The following MRC2 variants were observed in gnomAD, a reference collection of about 807,000 sequenced individuals.
MRC2 encodes C-type mannose receptor 2.
MRC2 carries 84 observed loss-of-function variants against 206.2 expected under a neutral mutation model. The ratio of observed to expected loss-of-function variants is 0.41; its 90% confidence interval spans 0.34 to 0.49. MRC2 has a LOEUF of 0.49. Ranked by LOEUF, MRC2 falls within the 20% of genes least tolerant of loss-of-function variation. The pLI is 0.31. For missense variants in MRC2, 1,676 were observed against 2,001.5 expected (o/e 0.84, Z 3.10); for synonymous variants, 798 against 800.0 (o/e 1.00, Z 0.04).
At chr17:62,650,876 T>C (rs1211553386) in intron 1 of MRC2, among the ~76,000 whole-genome samples, 1 of 152,156 alleles carries the variant, frequency 6.6e-6, no homozygotes. Flanking sequence ...ACGTAAATGA[T>C]ATGATTTGCC....
At chr17:62,677,231 C>T in intron 11 of MRC2, 38 bp from the exon 12 acceptor site, 1 of 1,499,958 alleles carries the variant, frequency 6.7e-7, no homozygotes, top group Non-Finnish European at 9.0e-7. Context: ...GACTATGAAT[C>T]CTTCTCAGAG....
intron 20 of MRC2, chr17:62,683,865 C>CAAAA (rs59563742): frequency 7.4e-6 from 1 of 134,652 alleles, no homozygotes; most frequent in Non-Finnish European, 1.6e-5. Context: ...ACCCTTTCTC[C>CAAAA]AAAAAAAAAA....
rs1431926072 is a variant in MRC2 at position 62,667,069 on chromosome 17, T to G, written c.973+199T>G. 2.6e-5 allele frequency among the ~76,000 whole-genome samples: 4 copies of G among 151,920 alleles called. No individual in the cohort carries two copies. The highest frequency in any genetic ancestry group is 2.6e-4 in the Admixed American group (4 of 15,262). On this transcript the variant is annotated intron_variant, in intron 5 of 29. Transcript: ENST00000303375. The surrounding 1 kb of genome is among the most constrained non-coding windows in gnomAD (Gnocchi z 4.1). ...CCCAGGCCGAAGGTCTTGGTGCATATGGACTGGGTGCCAGCCTCCACTCAC... is the reference window on the plus strand; with the variant it reads ...CCCAGGCCGAAGGTCTTGGTGCATAGGGACTGGGTGCCAGCCTCCACTCAC...
rs1248630980 is a variant in MRC2 at position 62,677,411 on chromosome 17, A to C, written c.1977A>C (p.Pro659=). The change falls in exon 12 of 30, where the codon CCA becomes CCC. Residue 659 remains proline, a synonymous_variant. Coordinates refer to ENST00000303375, the MANE Select transcript of MRC2 (RefSeq NM_006039.5). ...GTPVTPELPG[P]DPTPSLTGSC... Reference sequence around the variant, plus strand: ...CAGTGACGCCGGAGCTGCCGGGGCCAGATCCCACGCCCAGCCTCACTGGCT... The same window carrying C: ...CAGTGACGCCGGAGCTGCCGGGGCCCGATCCCACGCCCAGCCTCACTGGCT... 6.2e-7 allele frequency: 1 copy of C among 1,611,946 alleles called. No homozygotes were observed. The highest frequency in any genetic ancestry group is 1.7e-5 in the Admixed American group (1 of 59,930).
At chr17:62,682,731 T>C (rs1338821132) in intron 20 of MRC2, among the ~76,000 whole-genome samples, 4 of 151,932 alleles carry the variant, frequency 2.6e-5, no homozygotes, top group Non-Finnish European at 4.4e-5. Context: ...AACCTCTGCT[T>C]CCTGGGTTCA....
intron 19 of MRC2, 116 bp downstream of exon 19, chr17:62,682,053 A>C: frequency 8.8e-7 from 1 of 1,131,072 alleles, no homozygotes; most frequent in Non-Finnish European, 1.3e-6. Flanking sequence ...CAACCCAATA[A>C]AGGCTAGACT....
Position 62,689,240 on chromosome 17 carries a change from G to A in MRC2, c.3334+280G>A, listed in dbSNP as rs917238774. On this transcript the variant is annotated intron_variant, in intron 23 of 29. Coordinates refer to ENST00000303375, the MANE Select transcript of MRC2 (RefSeq NM_006039.5). Reference sequence around the variant, plus strand: ...GCACGTGTGGCGTCAAGGACCCTGAGGTTCCAGGTCCAAGACACCTCCAGC... The same window carrying A: ...GCACGTGTGGCGTCAAGGACCCTGAAGTTCCAGGTCCAAGACACCTCCAGC... 40 of 586,214 alleles carry A rather than the reference G, an allele frequency of 6.8e-5. No homozygotes were observed. In the Admixed American group the frequency reaches 8.4e-4, roughly 12 times the overall value. 36.3% of individuals were successfully genotyped at this position (586,214 alleles called of 1,614,324 possible).
At chr17:62,681,579 G>A in intron 18 of MRC2, 1 of 493,034 alleles carries the variant, frequency 2.0e-6, no homozygotes, top group Admixed American at 4.0e-5. Flanking sequence ...TTGCCCTTGG[G>A]CTTCCTGCCC....
chr17:62,629,404 A>T (rs1032541974), intron 1 of MRC2, among the ~76,000 whole-genome samples: 1 of 152,144 alleles, frequency 6.6e-6, no homozygotes, highest in South Asian at 2.1e-4. Flanking sequence ...GTCAGGGAGG[A>T]CAAGGACGCC....
chr17:62,669,921 A>G (rs1159851620), intron 6 of MRC2, among the ~76,000 whole-genome samples: 1 of 152,164 alleles, frequency 6.6e-6, no homozygotes, highest in Non-Finnish European at 1.5e-5. Flanking sequence ...GAAGCTTGAA[A>G]CGTCAGCAAC....
chr17:62,651,346 T>G (rs1461475395), intron 1 of MRC2, among the ~76,000 whole-genome samples: 1 of 151,946 alleles, frequency 6.6e-6, no homozygotes, highest in Non-Finnish European at 1.5e-5. Context: ...CCTCCCAGAG[T>G]GCTGGGATTA....
chr17:62,685,056 C>T (rs1287165822), intron 20 of MRC2, among the ~76,000 whole-genome samples: 5 of 151,978 alleles, frequency 3.3e-5, no homozygotes, highest in Admixed American at 6.6e-5. Context: ...GCAGCAGAAT[C>T]GCTTGAACCT....
At position 62,682,376 on chromosome 17, in the gene MRC2, A is replaced by C; in HGVS notation, c.2945A>C (p.Lys982Thr). ...TCTGACTGGATCCAGTTCCTCAACAAGGTAGGAGGTGGCAATGGGGCACCC... is the reference window on the plus strand; with the variant it reads ...TCTGACTGGATCCAGTTCCTCAACACGGTAGGAGGTGGCAATGGGGCACCC... ...CPSDWIQFLNKCFQVQGQEPQ... is the reference protein window; with the variant it reads ...CPSDWIQFLNTCFQVQGQEPQ... Residue 982 changes from lysine to threonine, a missense_variant and splice_region_variant, in exon 20 of 30, where the codon AAG becomes ACG. Physicochemically the swap from Lys to Thr is moderately conservative, Grantham distance 78. This residue lies in a region of MRC2 where 1,354 missense variants were observed against 1,636.6 expected (regional missense o/e 0.83). Coordinates refer to ENST00000303375, the MANE Select transcript of MRC2 (RefSeq NM_006039.5). 6.2e-7 allele frequency: 1 copy of C among 1,603,962 alleles called. No homozygotes were observed. Among genetic ancestry groups the C allele is most frequent in the Admixed American group, 1.7e-5 (1 of 57,518 alleles).
At position 62,664,023 on chromosome 17, in the gene MRC2, G is replaced by T. The variant is rs1414392347; in HGVS notation, c.119-525G>T. On this transcript the variant is annotated intron_variant, in intron 1 of 29. Coordinates refer to ENST00000303375, the MANE Select transcript of MRC2 (RefSeq NM_006039.5). This position sits in a 1 kb window ranked among gnomAD's most constrained non-coding sequence, Gnocchi z 4.7. ...CGCCCAGGCTGGAGTGCAGTGGCGG[G>T]ATCTCGGCTCACTGCAAGCTCCGCC... 6.7e-6 allele frequency among the ~76,000 whole-genome samples: 1 copy of T among 148,984 alleles called. No individual in the cohort carries two copies. The highest frequency in any genetic ancestry group is 1.5e-5 in the Non-Finnish European group (1 of 67,242).
At chr17:62,668,922 C>T (rs2088791219) in intron 6 of MRC2, among the ~76,000 whole-genome samples, 1 of 152,044 alleles carries the variant, frequency 6.6e-6, no homozygotes, top group East Asian at 1.9e-4. Flanking sequence ...TGAAGCCACC[C>T]CCCTTGCAAG....
intron 1 of MRC2, among the ~76,000 whole-genome samples, chr17:62,657,249 A>G (rs570893208): frequency 1.3e-5 from 2 of 152,336 alleles, no homozygotes; most frequent in East Asian, 3.9e-4. Flanking sequence ...GCCAGACCAT[A>G]TGGTGATAAG....
chr17:62,636,278 C>T lies in MRC2; in HGVS notation c.118+8358C>T, dbSNP rs374650231. ...AAAAAAAAAAAAGTAAAAATGCATG[C>T]TCAGTGGAAAACATTCAAACCATAC... On this transcript the variant is annotated intron_variant, in intron 1 of 29. Transcript: ENST00000303375. Among the ~76,000 whole-genome samples, 8 of 151,128 alleles carry T rather than the reference C, an allele frequency of 5.3e-5. No homozygotes were observed. The East Asian group carries it at 1.6e-3, about 29-fold the overall frequency.
intron 23 of MRC2, among the ~76,000 whole-genome samples, chr17:62,689,177 CG>C: frequency 1.3e-5 from 2 of 152,042 alleles, no homozygotes; most frequent in Admixed American, 1.3e-4. Context: ...CTCGTTGGGT[CG>C]GGGGGAGAGC....
chr17:62,663,441 G>A (rs368564604), intron 1 of MRC2, among the ~76,000 whole-genome samples: 8 of 151,882 alleles, frequency 5.3e-5, no homozygotes, highest in African/African-American at 9.7e-5. Context: ...GAACATTTTC[G>A]TCATATCCCC....
Sources: allele counts gnomAD v4.1 joint callset (sites outside exome capture counted in the v4.1 genomes callset), GRCh38; gene constraint gnomAD v4.1.1; regional missense constraint gnomAD v4.1.1; non-coding constraint Gnocchi (gnomAD v3.1); transcripts MANE v1.5; gene names NCBI Gene and HGNC (gene_info 2026-07-23, HGNC 2026-07-21).